Variants in TMEM132B observed in about 807,000 individuals in gnomAD.
TMEM132B encodes transmembrane protein 132B.
A neutral mutation model predicts 90.8 loss-of-function variants in TMEM132B; 18 were observed. The ratio of observed to expected loss-of-function variants is 0.20; its 90% CI spans 0.14 to 0.29. TMEM132B has a LOEUF of 0.29. Among genes scored for constraint, TMEM132B ranks in the 10% least tolerant of loss-of-function variants. The pLI is 1.00. For synonymous variants in TMEM132B, 504 were observed against 523.3 expected, an observed-to-expected ratio of 0.96 and a Z score of 0.50; for missense variants, 1,096 against 1,326.8, an observed-to-expected ratio of 0.83 and a Z score of 2.70.
At chr12:125,463,713 C>A (rs1881495148) in intron 3 of TMEM132B, among the ~76,000 whole-genome samples, 1 of 152,196 alleles carries the variant, frequency 6.6e-6, no homozygotes, top group South Asian at 2.1e-4. Flanking sequence ...GAATGAAGGG[C>A]AAGGTATTCT....
At chr12:125,380,612 C>T (rs1205142332) in intron 2 of TMEM132B, among the ~76,000 whole-genome samples, 4 of 152,174 alleles carry the variant, frequency 2.6e-5, no homozygotes, top group South Asian at 2.1e-4. Flanking sequence ...TGTTGGTGCT[C>T]GGTTCTCACC....
chr12:125,235,418 C>A (rs899439307), intron 1 of TMEM132B, among the ~76,000 whole-genome samples: 1 of 152,054 alleles, frequency 6.6e-6, no homozygotes, highest in African/African-American at 2.4e-5. Context: ...CACCTGTGGG[C>A]CCATGGAGGC....
chr12:125,215,632 C>T (rs1189132107), intron 1 of TMEM132B, among the ~76,000 whole-genome samples: 3 of 152,200 alleles, frequency 2.0e-5, no homozygotes, highest in Non-Finnish European at 4.4e-5. Context: ...ACCTCCACCT[C>T]CCAGGCTCAA....
At chr12:125,507,394 T>TTA (rs1882873910) in intron 3 of TMEM132B, among the ~76,000 whole-genome samples, 2 of 152,088 alleles carry the variant, frequency 1.3e-5, no homozygotes, top group South Asian at 4.1e-4. Flanking sequence ...AGGTAATAAA[T>TTA]AAAATAGAGT....
intron 5 of TMEM132B, among the ~76,000 whole-genome samples, chr12:125,595,284 A>G (rs1244324259): frequency 2.0e-5 from 3 of 152,198 alleles, no homozygotes; most frequent in Non-Finnish European, 2.9e-5. Flanking sequence ...CTCTATGAAT[A>G]GACTTGAATG....
At chr12:125,405,358 C>G (rs1321608337) in intron 2 of TMEM132B, among the ~76,000 whole-genome samples, 2 of 152,114 alleles carry the variant, frequency 1.3e-5, no homozygotes, top group East Asian at 3.8e-4. Context: ...GATTTACAGC[C>G]CACCCTAAAT....
chr12:125,540,649 C>T (rs1160835446), intron 4 of TMEM132B, among the ~76,000 whole-genome samples: 1 of 151,886 alleles, frequency 6.6e-6, no homozygotes, highest in African/African-American at 2.4e-5. Context: ...GTCCCTAATC[C>T]AGACTTTTCA....
intron 3 of TMEM132B, among the ~76,000 whole-genome samples, chr12:125,506,624 T>C (rs1882853466): frequency 6.6e-6 from 1 of 152,232 alleles, no homozygotes; most frequent in African/African-American, 2.4e-5. Context: ...AAGTGGGACA[T>C]AATTTTTGAA....
intron 1 of TMEM132B, among the ~76,000 whole-genome samples, chr12:125,270,495 G>A (rs1038201445): frequency 5.9e-5 from 9 of 152,268 alleles, no homozygotes; most frequent in Admixed American, 1.3e-4. Context: ...TGTATTCAAA[G>A]GAAGTGGAAT....
intron 5 of TMEM132B, among the ~76,000 whole-genome samples, chr12:125,625,130 C>CCTTTTTTT (rs1459129162): frequency 6.7e-5 from 7 of 103,912 alleles, no homozygotes; most frequent in African/African-American, 2.7e-4. Flanking sequence ...GATTTGACTT[C>CCTTTTTTT]TTTTTTTTTT....
chr12:125,451,520 A>G lies in TMEM132B; in HGVS notation c.1106+35843A>G, dbSNP rs537453559. On this transcript the variant is annotated intron_variant, in intron 3 of 8. Coordinates refer to ENST00000682704, the MANE Select transcript of TMEM132B (RefSeq NM_001366854.1). ...TGGGTATTCTTGGTAATATTCTTGC[A>G]ACTTTTTTGTAAGTTTGAAGTTATT... 1.2e-4 allele frequency among the ~76,000 whole-genome samples: 18 copies of G among 152,324 alleles called. No homozygotes were observed. In the South Asian group the frequency reaches 2.3e-3, roughly 19 times the overall value.
intron 3 of TMEM132B, among the ~76,000 whole-genome samples, chr12:125,434,065 G>A (rs142875607): frequency 2.0e-5 from 3 of 152,240 alleles, no homozygotes; most frequent in Admixed American, 6.5e-5. Flanking sequence ...AATTTCGCGG[G>A]GTGTTAAGTC....
intron 5 of TMEM132B, among the ~76,000 whole-genome samples, chr12:125,610,660 T>C (rs1885803110): frequency 6.6e-6 from 1 of 152,062 alleles, no homozygotes; most frequent in Non-Finnish European, 1.5e-5. Context: ...TGTGTATATA[T>C]GTTTTATTTA....
At position 125,282,784 on chromosome 12, in the gene TMEM132B, C is replaced by T. The variant is rs553479566; in HGVS notation, c.68-66668C>T. Among the ~76,000 whole-genome samples the T allele has an allele frequency of 3.5e-4, 53 of 152,294 alleles. No individual in the cohort carries two copies. The Middle Eastern group carries it at 0.017, about 49-fold the overall frequency. On this transcript the variant is annotated intron_variant, in intron 1 of 8. Coordinates refer to ENST00000682704, the MANE Select transcript of TMEM132B (RefSeq NM_001366854.1). Reference sequence around the variant, plus strand: ...TAATAACACAGAGTCACTGGGAGCACGCAGGGAGATGTGTGTGCCTGGTGC... The same window carrying T: ...TAATAACACAGAGTCACTGGGAGCATGCAGGGAGATGTGTGTGCCTGGTGC...
At chr12:125,347,649 C>A (rs75119491) in intron 1 of TMEM132B, among the ~76,000 whole-genome samples, 1 of 152,108 alleles carries the variant, frequency 6.6e-6, no homozygotes, top group Non-Finnish European at 1.5e-5. Flanking sequence ...GCATTTTAAG[C>A]GCCACGGTCA....
At chr12:125,583,653 T>C (rs1454135072) in intron 4 of TMEM132B, among the ~76,000 whole-genome samples, 198 bp from the exon 5 acceptor site, 5 of 152,030 alleles carry the variant, frequency 3.3e-5, no homozygotes, top group Admixed American at 1.3e-4. Context: ...AACCATCAGG[T>C]TTGATTATCT....
At chr12:125,587,188 A>AG (rs1357935968) in intron 5 of TMEM132B, 1 of 129,274 alleles carries the variant, frequency 7.7e-6, no homozygotes, top group Non-Finnish European at 1.6e-5. Context: ...GGTTAAAAAA[A>AG]AAAAAAACAA....
chr12:125,494,133 T>C (rs1291837746), intron 3 of TMEM132B, among the ~76,000 whole-genome samples: 1 of 92,098 alleles, frequency 1.1e-5, no homozygotes, highest in Non-Finnish European at 2.1e-5. Flanking sequence ...TCCCTGGAAA[T>C]GGATGCATCC....
At chr12:125,516,973 C>T (rs1883176397) in intron 3 of TMEM132B, among the ~76,000 whole-genome samples, 1 of 152,180 alleles carries the variant, frequency 6.6e-6, no homozygotes, top group Admixed American at 6.5e-5. Context: ...TGGGAAATGG[C>T]AGGGGTGCAG....
Sources: gnomAD v4.1 joint callset for allele counts (sites outside exome capture counted in the v4.1 genomes callset) on GRCh38, gnomAD v4.1.1 for gene constraint, MANE v1.5 for transcripts, NCBI Gene and HGNC (gene_info 2026-07-23, HGNC 2026-07-21) for gene names.